The following NEDD4L variants were observed in gnomAD, a reference collection of about 807,000 sequenced individuals.
The protein encoded by NEDD4L is NEDD4 like E3 ubiquitin protein ligase.
Under a neutral mutation model 148.9 loss-of-function variants are expected in NEDD4L, and 54 were observed. The ratio of observed to expected loss-of-function variants is 0.36; its 90% CI spans 0.29 to 0.45. The LOEUF (loss-of-function observed/expected upper bound fraction) is 0.45, where lower values mean the gene tolerates loss of function less well. NEDD4L is among the 20% of genes least tolerant of loss of function. The pLI, the probability that NEDD4L is intolerant of heterozygous loss-of-function variation, is 1.00. For missense variants in NEDD4L, 856 were observed against 1,233.8 expected (o/e 0.69, Z 4.59); for synonymous variants, 433 against 440.7 (o/e 0.98, Z 0.22).
rs139228082 is a variant in NEDD4L, at chr18:58,167,271, G to A, written c.122+1410G>A. 2.6e-3 allele frequency among the ~76,000 whole-genome samples: 402 copies of A among 152,322 alleles called. 1 individual carries two copies. Among genetic ancestry groups the A allele is most frequent in the Middle Eastern group, 0.01 (3 of 294 alleles). On this transcript the variant is annotated intron_variant, in intron 2 of 30. Transcript: ENST00000400345. ...GAAGTCACACTGAGTGGTTCACCAT[G>A]TGCCTGCACTCATGCAAGGATAAGC...
chr18:58,339,348 G>A (rs2042154743), intron 13 of NEDD4L, among the ~76,000 whole-genome samples: 3 of 152,202 alleles, frequency 2.0e-5, no homozygotes, highest in South Asian at 2.1e-4. Context: ...CAGCAGGGGA[G>A]TCCATTGAAG....
At chr18:58,219,336 G>A (rs926997835) in intron 2 of NEDD4L, among the ~76,000 whole-genome samples, 4 of 152,166 alleles carry the variant, frequency 2.6e-5, no homozygotes, top group Non-Finnish European at 4.4e-5. Flanking sequence ...AGGCAAAAGT[G>A]AGCATACTCA....
Position 58,256,157 on chromosome 18 carries a change from C to G in NEDD4L, c.297+4103C>G. 1 of 1,219,836 alleles carries G rather than the reference C, an allele frequency of 8.2e-7. No homozygotes were observed. The highest frequency in any genetic ancestry group is 1.0e-6 in the Non-Finnish European group (1 of 980,522). The allele number at this position is 1,219,836 out of a possible 1,614,324, so 75.6% of individuals were successfully genotyped here. On this transcript the variant is annotated intron_variant, in intron 5 of 30. Coordinates refer to ENST00000400345, the MANE Select transcript of NEDD4L (RefSeq NM_001144967.3). The surrounding 1 kb of genome is among the most constrained non-coding windows in gnomAD (Gnocchi z 5.2). ...CCAGGTCAACGGCACGTGCGGCCGCCGCGTGCGGTGCTCCGGCCCCGTGGA... is the reference window on the plus strand; with the variant it reads ...CCAGGTCAACGGCACGTGCGGCCGCGGCGTGCGGTGCTCCGGCCCCGTGGA...
rs2081496686 is a variant in NEDD4L at position 58,044,787 on chromosome 18, G to A, written c.48+79G>A. On this transcript the variant is annotated intron_variant, in intron 1 of 30. Coordinates refer to ENST00000400345, the MANE Select transcript of NEDD4L (RefSeq NM_001144967.3). ...CCGGCAGGGGGAGGGGAAAGGGGCC[G>A]TCCCCGGGGTGCTCGTGCCCAGCGT... 8 of 1,523,504 alleles carry A rather than the reference G, an allele frequency of 5.3e-6. No homozygotes were observed. The South Asian group carries it at 8.6e-5, about 16-fold the overall frequency. 94.4% of individuals were successfully genotyped at this position (1,523,504 alleles called of 1,614,324 possible). A position where few individuals can be genotyped will look rare whatever the true frequency, so the allele number is the denominator to read the frequency against.
intron 30 of NEDD4L, among the ~76,000 whole-genome samples, chr18:58,393,005 G>A (rs2050032295): frequency 1.3e-5 from 2 of 152,144 alleles, no homozygotes; most frequent in Admixed American, 1.3e-4. Flanking sequence ...CAGATCACAG[G>A]ATTTGAACTC....
At chr18:58,250,714 A>T (rs2047825761) in intron 4 of NEDD4L, among the ~76,000 whole-genome samples, 1 of 152,048 alleles carries the variant, frequency 6.6e-6, no homozygotes, top group Non-Finnish European at 1.5e-5. Flanking sequence ...TACCATTTAG[A>T]GCCTTTGTGA....
At chr18:58,318,346 A>G (rs1041174796) in intron 6 of NEDD4L, among the ~76,000 whole-genome samples, 2 of 152,198 alleles carry the variant, frequency 1.3e-5, no homozygotes, top group Non-Finnish European at 2.9e-5. Flanking sequence ...GCTTGAGTCC[A>G]GGAGTTAAAG....
intron 1 of NEDD4L, among the ~76,000 whole-genome samples, chr18:58,093,049 G>A (rs2084178521): frequency 6.6e-6 from 1 of 151,870 alleles, no homozygotes; most frequent in African/African-American, 2.4e-5. Flanking sequence ...ATTTTTAGTA[G>A]GGACGGAGTA....
At chr18:58,361,202 G>T (rs1002359502) in intron 19 of NEDD4L, among the ~76,000 whole-genome samples, 1 of 152,086 alleles carries the variant, frequency 6.6e-6, no homozygotes, top group Non-Finnish European at 1.5e-5. Flanking sequence ...GAGTCTTTCT[G>T]CTTACCTAGT....
chr18:58,367,602 A>T, intron 21 of NEDD4L, 144 bp from the exon 22 acceptor site: 1 of 783,728 alleles, frequency 1.3e-6, no homozygotes, highest in Non-Finnish European at 2.1e-6. Flanking sequence ...GTGGTAAGTC[A>T]GGTCCTCTAG....
chr18:58,168,786 T>G lies in NEDD4L; in HGVS notation c.122+2925T>G, dbSNP rs556684293. Among the ~76,000 whole-genome samples the G allele has an allele frequency of 3.9e-5, 6 of 152,322 alleles. No homozygotes were observed. In the South Asian group the frequency reaches 1.2e-3, roughly 32 times the overall value. On this transcript the variant is annotated intron_variant, in intron 2 of 30. Coordinates refer to ENST00000400345, the MANE Select transcript of NEDD4L (RefSeq NM_001144967.3). The stretch of plus-strand genomic sequence containing the variant: ...TTTCATGAGAGGCATTTCAGAGCCT[T>G]TAAAGTGGTAGAAATCCTGTAGACA...
At chr18:58,074,085 C>T (rs1326428262) in intron 1 of NEDD4L, among the ~76,000 whole-genome samples, 1 of 152,070 alleles carries the variant, frequency 6.6e-6, no homozygotes, top group Non-Finnish European at 1.5e-5. Context: ...AGCATTGGAG[C>T]ATCCCTCAAT....
chr18:58,198,551 A>G (rs982457059), intron 2 of NEDD4L, among the ~76,000 whole-genome samples: 8 of 152,076 alleles, frequency 5.3e-5, no homozygotes, highest in African/African-American at 1.9e-4. Flanking sequence ...GAGCTGGGGG[A>G]CACACAGTGG....
chr18:58,051,578 A>T (rs1376347142), intron 1 of NEDD4L, among the ~76,000 whole-genome samples: 1 of 152,200 alleles, frequency 6.6e-6, no homozygotes, highest in East Asian at 1.9e-4. Context: ...GAGCCAATTA[A>T]ATTTTTTATT....
intron 1 of NEDD4L, among the ~76,000 whole-genome samples, chr18:58,143,352 C>CA (rs1208271157): frequency 6.6e-6 from 1 of 152,178 alleles, no homozygotes; most frequent in Non-Finnish European, 1.5e-5. Context: ...CCTATTCTGT[C>CA]AAAAATGTTG....
intron 5 of NEDD4L, among the ~76,000 whole-genome samples, chr18:58,275,484 C>G (rs1259093837): frequency 1.3e-5 from 2 of 152,182 alleles, no homozygotes; most frequent in African/African-American, 4.8e-5. Flanking sequence ...AAAAAGAAAA[C>G]TTGTCAAGCA....
At chr18:58,229,920 C>T (rs1232739709) in intron 2 of NEDD4L, among the ~76,000 whole-genome samples, 4 of 152,148 alleles carry the variant, frequency 2.6e-5, no homozygotes, top group African/African-American at 9.6e-5. Flanking sequence ...ACCCAGGAGG[C>T]GGAGGTTGCA....
At chr18:58,302,635 A>G (rs576463679) in intron 5 of NEDD4L, among the ~76,000 whole-genome samples, 1 of 152,368 alleles carries the variant, frequency 6.6e-6, no homozygotes, top group Admixed American at 6.5e-5. Context: ...TAGCTTAATA[A>G]CATTCAATAG....
intron 16 of NEDD4L, among the ~76,000 whole-genome samples, chr18:58,344,887 G>A (rs2042853211): frequency 6.6e-6 from 1 of 152,282 alleles, no homozygotes; most frequent in South Asian, 2.1e-4. Flanking sequence ...GAGCCACTGT[G>A]GCTTGCCAAC....
Sources: gnomAD v4.1 joint callset for allele counts (sites outside exome capture counted in the v4.1 genomes callset) on GRCh38, gnomAD v4.1.1 for gene constraint, Gnocchi (gnomAD v3.1) non-coding constraint, MANE v1.5 for transcripts, NCBI Gene and HGNC (gene_info 2026-07-23, HGNC 2026-07-21) for gene names.